Variants in POLN observed in about 807,000 individuals in gnomAD.
POLN encodes DNA polymerase N.
POLN carries 108 observed loss-of-function variants against 113.5 expected under a neutral mutation model. The observed-to-expected ratio is 0.95, with a 90% CI of 0.81 to 1.12. POLN has a LOEUF of 1.12. POLN is among the 50% of genes most tolerant of loss of function. The probability of loss-of-function intolerance (pLI) is 0.00; values close to 1 mark genes in which losing one functional copy is unlikely to be tolerated. For missense variants in POLN, 1,097 were observed against 1,077.1 expected, an observed-to-expected ratio of 1.02 and a Z score of -0.26; for synonymous variants, 386 against 391.5, an observed-to-expected ratio of 0.99 and a Z score of 0.17.
At chr4:2,079,817 T>G in intron 23 of POLN, 1 of 956,632 alleles carries the variant, frequency 1.0e-6, no homozygotes, top group Non-Finnish European at 1.2e-6. Flanking sequence ...ACTCCTGACC[T>G]CAGGTGATCC....
rs1296136648 is a variant in POLN at position 2,078,503 on chromosome 4, C to T, written c.2387+2455G>A. 7.8e-6 allele frequency: 6 copies of T among 770,894 alleles called. No individual in the cohort carries two copies. In the East Asian group the frequency reaches 3.9e-4, roughly 50 times the overall value. 47.8% of individuals were successfully genotyped at this position (770,894 alleles called of 1,614,324 possible). A position where few individuals can be genotyped will look rare whatever the true frequency, so the allele number is the denominator to read the frequency against. On this transcript the variant is annotated intron_variant, in intron 23 of 25. Transcript: ENST00000511885. ...TTTTTTTTTTTGTTAGACAGACTCT[C>T]GCTCTCGCCCAGGCTGGAGTGAAGT...
At chr4:2,103,741 T>C (rs529251823) in intron 19 of POLN, among the ~76,000 whole-genome samples, 126 of 152,258 alleles carry the variant, frequency 8.3e-4, no homozygotes, top group African/African-American at 2.9e-3. Context: ...GGAAACCCCA[T>C]TGGACTAACA....
At chr4:2,072,854 T>C (rs1730182488) in intron 25 of POLN, 114 bp downstream of exon 25, 2 of 1,077,878 alleles carry the variant, frequency 1.9e-6, no homozygotes, top group Non-Finnish European at 1.4e-6. Flanking sequence ...TGCTGTGGAG[T>C]GGCCATCTCG....
rs898488763 is a variant in POLN, at chr4:2,127,651, G to A, written c.1982+462C>T. Among the ~76,000 whole-genome samples the A allele has an allele frequency of 1.3e-5, 2 of 152,202 alleles. No individual in the cohort carries two copies. Among genetic ancestry groups the A allele is most frequent in the African/African-American group, 2.4e-5 (1 of 41,456 alleles). ...ACTGCCAAGCTGCCCAACAAAACCC[G>A]AGCCCATCTGCCTCTGGAATTCTCT... On this transcript the variant is annotated intron_variant, in intron 19 of 25. Coordinates refer to ENST00000511885, the MANE Select transcript of POLN (RefSeq NM_181808.4). The surrounding 1 kb of genome is among the most constrained non-coding windows in gnomAD (Gnocchi z 4.7).
intron 3 of POLN, among the ~76,000 whole-genome samples, chr4:2,219,645 C>T (rs940219309): frequency 2.6e-5 from 4 of 152,160 alleles, no homozygotes; most frequent in Non-Finnish European, 5.9e-5. Flanking sequence ...ATTATTGCTT[C>T]GGTAAATAGA....
At chr4:2,224,385 T>C (rs2108771338) in intron 3 of POLN, among the ~76,000 whole-genome samples, 1 of 152,334 alleles carries the variant, frequency 6.6e-6, no homozygotes, top group Non-Finnish European at 1.5e-5. Context: ...ATTAGCTTTT[T>C]TTTCATAAGA....
In POLN at chr4:2,146,635, G is replaced by C. The variant is rs541097741; in HGVS notation, c.1731+10153C>G. 2.0e-4 allele frequency among the ~76,000 whole-genome samples: 30 copies of C among 152,300 alleles called. 1 individual carries two copies. Among genetic ancestry groups the C allele is most frequent in the African/African-American group, 6.7e-4 (28 of 41,554 alleles). On this transcript the variant is annotated intron_variant, in intron 16 of 25. Coordinates refer to ENST00000511885, the MANE Select transcript of POLN (RefSeq NM_181808.4). Reference sequence around the variant, plus strand: ...GGGTATCTCACTGAGCTCTGGTGTGGGGAGGGGCAGGCAGATAGGGGCAGG... The same window carrying C: ...GGGTATCTCACTGAGCTCTGGTGTGCGGAGGGGCAGGCAGATAGGGGCAGG...
intron 13 of POLN, among the ~76,000 whole-genome samples, chr4:2,164,008 G>A (rs959726296): frequency 1.3e-5 from 2 of 152,136 alleles, no homozygotes; most frequent in African/African-American, 2.4e-5. Flanking sequence ...TTGCCCAAGT[G>A]CACAACTCAG....
chr4:2,085,811 G>A, intron 20 of POLN, 67 bp from the exon 21 acceptor site: 6 of 1,595,460 alleles, frequency 3.8e-6, no homozygotes, highest in Non-Finnish European at 5.1e-6. Context: ...CATGGGCTCA[G>A]TGAGTCAGGT....
At chr4:2,105,804 G>GTGATGA (rs147342911) in intron 19 of POLN, among the ~76,000 whole-genome samples, 12,132 of 144,808 alleles carry the variant, frequency 0.084, 549 homozygotes, top group Middle Eastern at 0.14. Context: ...CAGACAAATA[G>GTGATGA]TGATGATGAT....
At chr4:2,180,234 C>A (rs944999305) in intron 7 of POLN, among the ~76,000 whole-genome samples, 2 of 152,168 alleles carry the variant, frequency 1.3e-5, no homozygotes, top group East Asian at 1.9e-4. Context: ...AAAGTAAATA[C>A]AATATTTGCT....
At chr4:2,171,667 C>T (rs1428092608) in intron 11 of POLN, among the ~76,000 whole-genome samples, 2 of 151,762 alleles carry the variant, frequency 1.3e-5, no homozygotes, top group East Asian at 3.9e-4. Context: ...TGGCCAGGCA[C>T]GGTGGTTCAC....
chr4:2,171,019 C>T, intron 12 of POLN, 79 bp downstream of exon 12: 1 of 1,286,994 alleles, frequency 7.8e-7, no homozygotes, highest in African/African-American at 1.5e-5. Flanking sequence ...TAAAATAATA[C>T]TTATAAATTC....
intron 16 of POLN, among the ~76,000 whole-genome samples, chr4:2,143,667 G>A (rs1434246551): frequency 6.6e-6 from 1 of 152,092 alleles, no homozygotes; most frequent in Non-Finnish European, 1.5e-5. Context: ...AGCACAAGAG[G>A]AAGGAACACT....
At chr4:2,116,572 C>A in intron 19 of POLN, among the ~76,000 whole-genome samples, 1 of 151,560 alleles carries the variant, frequency 6.6e-6, no homozygotes, top group Admixed American at 6.6e-5. Flanking sequence ...AACCCAAATC[C>A]ATGTTTCAGA....
chr4:2,081,177 G>C (rs1390516906), intron 22 of POLN, 141 bp from the exon 23 acceptor site: 1 of 1,592,646 alleles, frequency 6.3e-7, no homozygotes, highest in Admixed American at 1.7e-5. Flanking sequence ...CAGGGCCACA[G>C]ATGACTGCAG....
At chr4:2,124,683 C>G (rs1228128484) in intron 19 of POLN, among the ~76,000 whole-genome samples, 1 of 152,172 alleles carries the variant, frequency 6.6e-6, no homozygotes. Flanking sequence ...AGCGGGGGCA[C>G]AGAGACCAGG....
intron 20 of POLN, among the ~76,000 whole-genome samples, chr4:2,088,014 T>C (rs954068414): frequency 3.3e-5 from 5 of 152,186 alleles, no homozygotes; most frequent in African/African-American, 1.2e-4. Context: ...ATTTTTTGTT[T>C]ACACTTTTTA....
rs769080106 is a variant in POLN, at chr4:2,198,541, T to C, written c.891A>G (p.Ala297=). 6.2e-7 allele frequency: 1 copy of C among 1,610,050 alleles called. No individual in the cohort carries two copies. The highest frequency in any genetic ancestry group is 1.7e-5 in the Admixed American group (1 of 59,470). The part of the protein sequence containing the change: ...HSAIWDQEQE[A]HQQFARNVLF... The stretch of plus-strand genomic sequence containing the variant: ...TTTCTTACCGGGCAAATTGTTGATG[T>C]GCCTCCTGTTCTTGGTCCCAGATAG... Residue 297 remains alanine (A), a synonymous_variant, in exon 6 of 26, where the codon GCA becomes GCG. Transcript: ENST00000511885.
Sources: gnomAD v4.1 joint callset for allele counts (sites outside exome capture counted in the v4.1 genomes callset) on GRCh38, gnomAD v4.1.1 for gene constraint, Gnocchi (gnomAD v3.1) non-coding constraint, MANE v1.5 for transcripts, NCBI Gene and HGNC (gene_info 2026-07-23, HGNC 2026-07-21) for gene names.